SPRYD7: variants seen among roughly 807,000 people sequenced by gnomAD.
SPRYD7 encodes the protein SPRY domain containing 7.
In SPRYD7, 14 loss-of-function variants were observed where a neutral mutation model predicts 23.8. That is an observed-to-expected ratio of 0.59 (90% confidence interval 0.39 to 0.92). SPRYD7 has a LOEUF of 0.92. Among genes scored for constraint, SPRYD7 ranks in the 40% least tolerant of loss-of-function variants. The probability of loss-of-function intolerance (pLI) is 0.00; values close to 1 mark genes in which losing one functional copy is unlikely to be tolerated. For missense variants in SPRYD7, 194 were observed against 241.7 expected (o/e 0.80, Z 1.31); for synonymous variants, 75 against 84.9 (o/e 0.88, Z 0.64).
intron 3 of SPRYD7, among the ~76,000 whole-genome samples, chr13:49,922,753 C>T (rs952578791): frequency 6.6e-6 from 1 of 152,030 alleles, no homozygotes; most frequent in South Asian, 2.1e-4. Context: ...AAGCAAACCA[C>T]TTCAAGGATT....
rs753068487 is a variant in SPRYD7, at chr13:49,921,523, A to G, written c.448T>C (p.Cys150Arg). The G allele has an allele frequency of 6.2e-7, 1 of 1,613,746 alleles. No homozygotes were observed. The highest frequency in any genetic ancestry group is 1.1e-5 in the South Asian group (1 of 91,072). The change falls in exon 4 of 5, where the codon TGT becomes CGT. Residue 150 changes from cysteine (C) to arginine (R), a missense_variant. Cys to Arg is a radical substitution (Grantham distance 180). Transcript: ENST00000361840. ...NVYLNGKNMHCPASGIRGTVY... is the reference protein window; with the variant it reads ...NVYLNGKNMHRPASGIRGTVY... Reference sequence around the variant, plus strand: ...GTCCCTCGTATACCTGATGCTGGACAATGCATGTTTTTTCCATTCAAGTAT... The same window carrying G: ...GTCCCTCGTATACCTGATGCTGGACGATGCATGTTTTTTCCATTCAAGTAT...
chr13:49,926,297 G>T (rs1955881895), intron 3 of SPRYD7, among the ~76,000 whole-genome samples: 1 of 152,208 alleles, frequency 6.6e-6, no homozygotes, highest in Non-Finnish European at 1.5e-5. Context: ...AAGGCAGGTA[G>T]AAGTTTCAGT....
intron 1 of SPRYD7, 145 bp downstream of exon 1, chr13:49,935,985 G>T: frequency 2.0e-6 from 1 of 496,828 alleles, no homozygotes; most frequent in South Asian, 3.2e-5. Flanking sequence ...GCCGGCTTCT[G>T]GAGAGATCTG....
chr13:49,916,805 A>G (rs983124645), intron 4 of SPRYD7, among the ~76,000 whole-genome samples: 1 of 152,130 alleles, frequency 6.6e-6, no homozygotes, highest in Non-Finnish European at 1.5e-5. Context: ...ATAACTGACA[A>G]AGTGACGTTC....
rs1012755801 is a variant in SPRYD7 at position 49,917,876 on chromosome 13, C to A, written c.494-2716G>T. ...GAGTTTTAAAACACACATTTACATG[C>A]AAGGACACAGAAGGTAAAATGACTG... On this transcript the variant is annotated intron_variant, in intron 4 of 4. Transcript: ENST00000361840. 1.3e-5 allele frequency among the ~76,000 whole-genome samples: 2 copies of A among 152,058 alleles called. 1 individual carries two copies. Among genetic ancestry groups the A allele is most frequent in the Non-Finnish European group, 2.9e-5 (2 of 68,016 alleles).
At chr13:49,923,692 G>T (rs1436432566) in intron 3 of SPRYD7, among the ~76,000 whole-genome samples, 1 of 151,618 alleles carries the variant, frequency 6.6e-6, no homozygotes, top group Non-Finnish European at 1.5e-5. Context: ...TCACTCTGTC[G>T]CCCAGGCTGG....
chr13:49,931,256 T>G (rs1013726474), intron 1 of SPRYD7, 122 bp from the exon 2 acceptor site: 2 of 493,090 alleles, frequency 4.1e-6, no homozygotes, highest in Non-Finnish European at 7.2e-6. Flanking sequence ...CTTGGCTCAC[T>G]GCAACCTCTG....
At chr13:49,921,690 T>C (rs1017784161) in intron 3 of SPRYD7, 110 bp from the exon 4 acceptor site, 30 of 657,770 alleles carry the variant, frequency 4.6e-5, no homozygotes, top group South Asian at 4.3e-4. Flanking sequence ...CAATTTTCAT[T>C]AAGGGTTGAC....
At chr13:49,915,637 T>C (rs114515405) in intron 4 of SPRYD7, among the ~76,000 whole-genome samples, 1,741 of 152,290 alleles carry the variant, frequency 0.011, 28 homozygotes, top group African/African-American at 0.04. Flanking sequence ...AAACTGACAT[T>C]GGTACACTAC....
At chr13:49,934,706 C>A (rs142900877) in intron 1 of SPRYD7, among the ~76,000 whole-genome samples, 6 of 152,198 alleles carry the variant, frequency 3.9e-5, no homozygotes, top group Non-Finnish European at 5.9e-5. Flanking sequence ...ATGAGTATAT[C>A]TGACCAGCTC....
At chr13:49,926,724 G>A (rs1373064836) in intron 3 of SPRYD7, among the ~76,000 whole-genome samples, 1 of 151,662 alleles carries the variant, frequency 6.6e-6, no homozygotes, top group South Asian at 2.1e-4. Context: ...TAATTAACCT[G>A]GATTTCTCTT....
intron 4 of SPRYD7, among the ~76,000 whole-genome samples, chr13:49,920,175 C>T (rs1955802304): frequency 6.6e-6 from 1 of 151,864 alleles, no homozygotes; most frequent in African/African-American, 2.4e-5. Flanking sequence ...TGCTTGAACC[C>T]AGGAGTTTGA....
At chr13:49,919,208 G>A (rs1955788369) in intron 4 of SPRYD7, among the ~76,000 whole-genome samples, 1 of 151,430 alleles carries the variant, frequency 6.6e-6, no homozygotes, top group Admixed American at 6.6e-5. Flanking sequence ...CTTGAGCTCA[G>A]GAGTTCGAGA....
At chr13:49,918,412 T>TC (rs1489330262) in intron 4 of SPRYD7, among the ~76,000 whole-genome samples, 1 of 150,232 alleles carries the variant, frequency 6.7e-6, no homozygotes, top group African/African-American at 2.5e-5. Context: ...TCTTTTTTTT[T>TC]TTTTTCTTTT....
At position 49,936,134 on chromosome 13, in the gene SPRYD7, G is replaced by C. The variant is rs1383944597; in HGVS notation, c.102C>G (p.His34Gln). 3 of 1,599,594 alleles carry C rather than the reference G, an allele frequency of 1.9e-6. No homozygotes were observed. The highest frequency in any genetic ancestry group is 1.7e-5 in the Admixed American group (1 of 58,470). The part of the protein sequence containing the change: ...EMPAVQLDTQ[H>Q]MGTDVVIVKN... Reference sequence around the variant, plus strand: ...TGGGGAAGGGAGGGCCCTTACCCATGTGCTGCGTGTCCAGCTGCACGGCCG... The same window carrying C: ...TGGGGAAGGGAGGGCCCTTACCCATCTGCTGCGTGTCCAGCTGCACGGCCG... The change falls in exon 1 of 5, where the codon CAC (histidine) becomes CAG (glutamine). Residue 34 changes from histidine (H) to glutamine (Q), a missense_variant. Transcript: ENST00000361840.
At chr13:49,916,110 C>T (rs1373702593) in intron 4 of SPRYD7, among the ~76,000 whole-genome samples, 1 of 152,054 alleles carries the variant, frequency 6.6e-6, no homozygotes, top group African/African-American at 2.4e-5. Context: ...TGTTCATTAC[C>T]TTGACCCTGG....
At chr13:49,923,205 C>A (rs1400793403) in intron 3 of SPRYD7, among the ~76,000 whole-genome samples, 3 of 152,128 alleles carry the variant, frequency 2.0e-5, no homozygotes, top group Non-Finnish European at 4.4e-5. Flanking sequence ...AATCCAGGCA[C>A]TTTCATCCCC....
chr13:49,919,069 T>C (rs1955786291), intron 4 of SPRYD7, among the ~76,000 whole-genome samples: 1 of 152,112 alleles, frequency 6.6e-6, no homozygotes, highest in Non-Finnish European at 1.5e-5. Context: ...AAAATATTTT[T>C]AGACTTACAA....
rs1955736486 is a variant in SPRYD7 at position 49,914,972 on chromosome 13, A to G, written c.*91T>C. 3.2e-6 allele frequency: 2 copies of G among 620,704 alleles called. No individual in the cohort carries two copies. Among genetic ancestry groups the G allele is most frequent in the South Asian group, 6.0e-5 (2 of 33,462 alleles). 38.4% of individuals were successfully genotyped at this position (620,704 alleles called of 1,614,324 possible). On this transcript the variant is annotated 3_prime_UTR_variant, in exon 5 of 5. Coordinates refer to ENST00000361840, the MANE Select transcript of SPRYD7 (RefSeq NM_020456.4). ...AGCATCAACAAGCATATTTTTAAGA[A>G]TATATTTTCATCTATAGGCCAGGTA...
Sources: allele counts gnomAD v4.1 joint callset (sites outside exome capture counted in the v4.1 genomes callset), GRCh38; gene constraint gnomAD v4.1.1; transcripts MANE v1.5; gene names NCBI Gene and HGNC (gene_info 2026-07-23, HGNC 2026-07-21).